Variants in MARCHF1 observed in about 807,000 individuals in gnomAD.
MARCHF1 encodes membrane associated ring-CH-type finger 1.
Under a neutral mutation model 54.2 loss-of-function variants are expected in MARCHF1, and 40 were observed. The ratio of observed to expected loss-of-function variants is 0.74; its 90% CI spans 0.57 to 0.96. The LOEUF (loss-of-function observed/expected upper bound fraction) is 0.96. Among genes scored for constraint, MARCHF1 ranks in the 40% least tolerant of loss-of-function variants. The pLI, the probability that MARCHF1 is intolerant of heterozygous loss-of-function variation, is 0.00. For missense variants in MARCHF1, 586 were observed against 656.5 expected (o/e 0.89, Z 1.17); for synonymous variants, 236 against 236.3 (o/e 1.00, Z 0.01).
At chr4:163,932,096 A>T (rs73868955) in intron 3 of MARCHF1, among the ~76,000 whole-genome samples, 9,684 of 143,416 alleles carry the variant, frequency 0.068, 632 homozygotes, top group East Asian at 0.19. Context: ...TAATTTAATT[A>T]AAAAAAACCT....
In MARCHF1 at chr4:164,267,416, T is replaced by C. The variant is rs115035828; in HGVS notation, c.-323+116454A>G. Among the ~76,000 whole-genome samples, 1,446 of 152,290 alleles carry C rather than the reference T, an allele frequency of 9.5e-3. 26 individuals carry two copies. The highest frequency in any genetic ancestry group is 0.033 in the African/African-American group (1,379 of 41,568). On this transcript the variant is annotated intron_variant, in intron 1 of 9. Coordinates refer to ENST00000514618, the MANE Select transcript of MARCHF1 (RefSeq NM_001394959.1). ...TGCCCTCTCCCTGTCTCTCTTTCTTTTGCCCTCTCACTTGAATGAAGCCAA... is the reference window on the plus strand; with the variant it reads ...TGCCCTCTCCCTGTCTCTCTTTCTTCTGCCCTCTCACTTGAATGAAGCCAA...
chr4:163,712,772 G>A (rs962268846), intron 4 of MARCHF1, among the ~76,000 whole-genome samples: 3 of 152,292 alleles, frequency 2.0e-5, no homozygotes, highest in African/African-American at 7.2e-5. Context: ...CAGGAAAGTT[G>A]ATACTGCCTG....
intron 1 of MARCHF1, among the ~76,000 whole-genome samples, chr4:164,351,609 T>G (rs1730337569): frequency 6.6e-6 from 1 of 152,188 alleles, no homozygotes; most frequent in Admixed American, 6.5e-5. Flanking sequence ...AAAACCCATC[T>G]GTACATCACC....
At chr4:164,298,605 A>C (rs1247793536) in intron 1 of MARCHF1, among the ~76,000 whole-genome samples, 1 of 152,032 alleles carries the variant, frequency 6.6e-6, no homozygotes, top group Non-Finnish European at 1.5e-5. Context: ...TGGTCTTTCT[A>C]TGGGCCTTTC....
At position 164,220,667 on chromosome 4, in the gene MARCHF1, C is replaced by CTATATGTATATATGTAATATATATGCTA. The variant is rs1560959946; in HGVS notation, c.-322-109033_-322-109006dup. Among the ~76,000 whole-genome samples, 113 of 134,298 alleles carry CTATATGTATATATGTAATATATATGCTA rather than the reference C, an allele frequency of 8.4e-4. 2 individuals carry two copies. The East Asian group carries it at 0.016, about 19-fold the overall frequency. The allele number at this position is 134,298 out of a possible 152,430, so 88.1% of individuals were successfully genotyped here. On this transcript the variant is annotated intron_variant, in intron 1 of 9. Transcript: ENST00000514618. The stretch of plus-strand genomic sequence containing the variant: ...TATATGCATATATGTAATATATATG[C>CTATATGTATATATGTAATATATATGCTA]TATATGTATATATGTAATATATATG...
At chr4:163,697,913 A>G (rs890455743) in intron 5 of MARCHF1, among the ~76,000 whole-genome samples, 1 of 152,240 alleles carries the variant, frequency 6.6e-6, no homozygotes, top group Admixed American at 6.5e-5. Flanking sequence ...TGCATATATT[A>G]TAGACCATGT....
In MARCHF1 at chr4:163,743,746, T is replaced by G. The variant is rs1398627040; in HGVS notation, c.112-42883A>C. 3.9e-5 allele frequency among the ~76,000 whole-genome samples: 6 copies of G among 152,196 alleles called. No homozygotes were observed. In the East Asian group the frequency reaches 1.2e-3, roughly 29 times the overall value. The stretch of plus-strand genomic sequence containing the variant: ...GGCGCCCGCCACCATGCCTGGCCAA[T>G]TTTTTTGAGTTTTTAGTAGAGATGG... On this transcript the variant is annotated intron_variant, in intron 4 of 9. Transcript: ENST00000514618.
intron 9 of MARCHF1, among the ~76,000 whole-genome samples, chr4:163,530,875 C>G (rs1738323872): frequency 6.6e-6 from 1 of 151,770 alleles, no homozygotes; most frequent in Non-Finnish European, 1.5e-5. Flanking sequence ...GGAAATAATA[C>G]TTCAAAATAT....
intron 8 of MARCHF1, among the ~76,000 whole-genome samples, chr4:163,563,622 A>G (rs1739544878): frequency 6.6e-6 from 1 of 152,222 alleles, no homozygotes; most frequent in South Asian, 2.1e-4. Context: ...CAGCTCCACC[A>G]GGTGAAAACT....
intron 1 of MARCHF1, among the ~76,000 whole-genome samples, chr4:164,346,590 CTGTA>C (rs1182576618): frequency 5.6e-5 from 3 of 53,670 alleles, no homozygotes; most frequent in Non-Finnish European, 1.2e-4. Flanking sequence ...GTCCTCAAAC[CTGTA>C]TGTATGTATG....
At chr4:163,605,296 T>C (rs1054356743) in intron 7 of MARCHF1, among the ~76,000 whole-genome samples, 1 of 151,906 alleles carries the variant, frequency 6.6e-6, no homozygotes, top group African/African-American at 2.4e-5. Context: ...CCAACAAACA[T>C]ATGAAAAAAA....
chr4:164,283,647 A>C (rs1734078777), intron 1 of MARCHF1, among the ~76,000 whole-genome samples: 1 of 151,020 alleles, frequency 6.6e-6, no homozygotes, highest in South Asian at 2.1e-4. Flanking sequence ...TACTCATTAA[A>C]GGCACTGTGG....
At chr4:163,943,224 G>A (rs1338106587) in intron 3 of MARCHF1, among the ~76,000 whole-genome samples, 3 of 152,138 alleles carry the variant, frequency 2.0e-5, no homozygotes, top group Non-Finnish European at 4.4e-5. Context: ...GGCTTTTGTT[G>A]CAATTACTTT....
At chr4:164,142,051 A>G (rs936368503) in intron 1 of MARCHF1, among the ~76,000 whole-genome samples, 1 of 152,164 alleles carries the variant, frequency 6.6e-6, no homozygotes, top group Admixed American at 6.5e-5. Context: ...AGTCAAAGAA[A>G]GGGGTGACAG....
intron 4 of MARCHF1, among the ~76,000 whole-genome samples, chr4:163,766,602 T>C (rs969785851): frequency 1.3e-5 from 2 of 152,138 alleles, no homozygotes; most frequent in Non-Finnish European, 1.5e-5. Flanking sequence ...CAGATGAAAA[T>C]GCGTCTTTCA....
intron 1 of MARCHF1, among the ~76,000 whole-genome samples, chr4:164,218,547 G>A (rs1303157524): frequency 6.6e-6 from 1 of 152,068 alleles, no homozygotes; most frequent in African/African-American, 2.4e-5. Flanking sequence ...CATGTCCTTT[G>A]TAGTGGCATG....
At chr4:164,046,084 C>T (rs917629283) in intron 2 of MARCHF1, among the ~76,000 whole-genome samples, 7 of 152,140 alleles carry the variant, frequency 4.6e-5, no homozygotes, top group African/African-American at 1.7e-4. Context: ...ATTAAAGCCC[C>T]AGTTTTCATA....
At chr4:164,238,020 A>T (rs1449981345) in intron 1 of MARCHF1, among the ~76,000 whole-genome samples, 1 of 152,104 alleles carries the variant, frequency 6.6e-6, no homozygotes, top group Non-Finnish European at 1.5e-5. Context: ...AAAATTAAAA[A>T]CAATTAAACT....
chr4:164,137,836 C>G (rs1189213407), intron 1 of MARCHF1, among the ~76,000 whole-genome samples: 1 of 152,086 alleles, frequency 6.6e-6, no homozygotes, highest in South Asian at 2.1e-4. Flanking sequence ...AAATAAAATA[C>G]ACATAGAAAT....
Sources: gnomAD v4.1 joint callset for allele counts (sites outside exome capture counted in the v4.1 genomes callset) on GRCh38, gnomAD v4.1.1 for gene constraint, MANE v1.5 for transcripts, NCBI Gene and HGNC (gene_info 2026-07-23, HGNC 2026-07-21) for gene names.